Variants in RCBTB2 observed in about 807,000 individuals in gnomAD.
RCBTB2 encodes RCC1 and BTB domain-containing protein 2.
A neutral mutation model predicts 65.4 loss-of-function variants in RCBTB2; 55 were observed. The observed-to-expected ratio is 0.84, with a 90% CI of 0.68 to 1.05. RCBTB2 has a LOEUF of 1.05. Ranked by LOEUF, RCBTB2 falls within the 50% of genes least tolerant of loss-of-function variation. The pLI is 0.00. For missense variants in RCBTB2, 599 were observed against 680.1 expected (o/e 0.88, Z 1.33); for synonymous variants, 220 against 255.2 (o/e 0.86, Z 1.31).
chr13:48,499,761 C>T lies in RCBTB2; in HGVS notation c.1245-1G>A. 1 of 1,613,994 alleles carries T rather than the reference C, an allele frequency of 6.2e-7. No homozygotes were observed. The highest frequency in any genetic ancestry group is 8.5e-7 in the Non-Finnish European group (1 of 1,179,918). ...CAATGACGAACGAAAATGCTCACAT[C>T]TGAAGGAAAAAAGCAGTATGTCAGG... On this transcript the variant is annotated splice_acceptor_variant, in intron 12 of 14. Coordinates refer to ENST00000344532, the MANE Select transcript of RCBTB2 (RefSeq NM_001268.4). LOFTEE classifies it high-confidence loss of function.
intron 12 of RCBTB2, 129 bp from the exon 13 acceptor site, chr13:48,499,889 T>A: frequency 9.4e-7 from 1 of 1,058,342 alleles, no homozygotes; most frequent in Non-Finnish European, 1.4e-6. Context: ...CTTTCTTTGC[T>A]GGCCAGGGTT....
At chr13:48,493,376 ACCTC>A (rs1463433068) in intron 14 of RCBTB2, among the ~76,000 whole-genome samples, 1 of 83,416 alleles carries the variant, frequency 1.2e-5, no homozygotes, top group Non-Finnish European at 2.5e-5. Context: ...CTCTCTCCCT[ACCTC>A]CCTCCCTCCC....
intron 3 of RCBTB2, 82 bp downstream of exon 3, chr13:48,522,226 T>G: frequency 2.1e-6 from 2 of 933,406 alleles, no homozygotes; most frequent in Non-Finnish European, 3.3e-6. Context: ...TTCACATGGG[T>G]CCTTAACTCT....
chr13:48,527,361 T>TATGATATATATATCATATA, intron 1 of RCBTB2, among the ~76,000 whole-genome samples: 1 of 112,446 alleles, frequency 8.9e-6, no homozygotes, highest in Admixed American at 8.5e-5. Flanking sequence ...TGATATATAT[T>TATGATATATATATCATATA]TATATATGAT....
chr13:48,533,309 C>G, upstream of RCBTB2: 1 of 303,152 alleles, frequency 3.3e-6, no homozygotes. Context: ...CCGGGAGTCT[C>G]CCATTGGGGC....
intron 14 of RCBTB2, among the ~76,000 whole-genome samples, chr13:48,490,923 G>A (rs1410618374): frequency 6.6e-6 from 1 of 152,174 alleles, no homozygotes; most frequent in African/African-American, 2.4e-5. Context: ...CTGGGCCAAA[G>A]AATAATGCTG....
chr13:48,515,268 T>G lies in RCBTB2; in HGVS notation c.286A>C (p.Asn96His). The change falls in exon 6 of 15, where the codon AAT becomes CAT. Residue 96 changes from asparagine to histidine, a missense_variant. Transcript: ENST00000344532. ...CTGAGGCAGGCTATTTTTTTGCCAT[T>G]TAAAGAATCCAGTCTCCGAGGTTCA... ...TIEPRRLDSLNGKKIACLSYG... is the reference protein window; with the variant it reads ...TIEPRRLDSLHGKKIACLSYG... The G allele has an allele frequency of 6.2e-7, 1 of 1,614,186 alleles. No individual in the cohort carries two copies. Among genetic ancestry groups the G allele is most frequent in the Non-Finnish European group, 8.5e-7 (1 of 1,180,012 alleles).
Position 48,507,748 on chromosome 13 carries a change from A to G in RCBTB2, c.926+2881T>C, listed in dbSNP as rs9332016. On this transcript the variant is annotated intron_variant, in intron 10 of 14. Transcript: ENST00000344532. ...CCAAGTATTATACCAACTACCTCAG[A>G]AGTCAAAGAATTCTCAGAAATTCAA... Among the ~76,000 whole-genome samples, 325 of 152,316 alleles carry G rather than the reference A, an allele frequency of 2.1e-3. 1 individual carries two copies. Among genetic ancestry groups the G allele is most frequent in the Non-Finnish European group, 3.9e-3 (266 of 68,024 alleles).
chr13:48,524,682 C>G lies in RCBTB2; in HGVS notation c.-143G>C, dbSNP rs1951610213. 1 of 152,166 alleles carries G rather than the reference C, an allele frequency of 6.6e-6. No individual in the cohort carries two copies. Among genetic ancestry groups the G allele is most frequent in the South Asian group, 2.1e-4 (1 of 4,834 alleles). 9.4% of individuals were successfully genotyped at this position (152,166 alleles called of 1,614,324 possible). A position where few individuals can be genotyped will look rare whatever the true frequency, so the allele number is the denominator to read the frequency against. ...ACCTGATTGTTTTAAATTTCTGGAACCCAGTATTCAGTCATCTTTAATCCT... is the reference window on the plus strand; with the variant it reads ...ACCTGATTGTTTTAAATTTCTGGAAGCCAGTATTCAGTCATCTTTAATCCT... On this transcript the variant is annotated 5_prime_UTR_variant, in exon 2 of 15. Coordinates refer to ENST00000344532, the MANE Select transcript of RCBTB2 (RefSeq NM_001268.4).
At chr13:48,518,878 G>A (rs1236056458) in intron 4 of RCBTB2, among the ~76,000 whole-genome samples, 1 of 152,016 alleles carries the variant, frequency 6.6e-6, no homozygotes, top group Non-Finnish European at 1.5e-5. Context: ...TTTCTATGAG[G>A]CCTTCGTTTT....
chr13:48,506,250 G>T (rs1210059606), intron 10 of RCBTB2, among the ~76,000 whole-genome samples: 1 of 152,232 alleles, frequency 6.6e-6, no homozygotes, highest in Non-Finnish European at 1.5e-5. Flanking sequence ...CGGGATCGGA[G>T]GGCAATGAGG....
intron 4 of RCBTB2, among the ~76,000 whole-genome samples, chr13:48,519,973 C>T (rs930017472): frequency 6.6e-6 from 1 of 152,052 alleles, no homozygotes; most frequent in African/African-American, 2.4e-5. Flanking sequence ...GTTCAAAGGT[C>T]CTGCTCAAAG....
At chr13:48,532,524 A>T (rs1483760814) in intron 1 of RCBTB2, 1 of 168,262 alleles carries the variant, frequency 5.9e-6, no homozygotes, top group Admixed American at 6.4e-5. Flanking sequence ...CGAGTGGGTT[A>T]GGAGGGAGAA....
At chr13:48,507,585 CAG>C (rs1950569009) in intron 10 of RCBTB2, among the ~76,000 whole-genome samples, 1 of 152,108 alleles carries the variant, frequency 6.6e-6, no homozygotes, top group Admixed American at 6.5e-5. Context: ...AATGAAAAAG[CAG>C]AGAGTGAGAA....
At chr13:48,496,153 C>T in intron 14 of RCBTB2, 38 bp downstream of exon 14, 1 of 1,419,414 alleles carries the variant, frequency 7.0e-7, no homozygotes, top group Non-Finnish European at 9.3e-7. Context: ...GGTTCCATTT[C>T]TCCAGGAGGC....
intron 14 of RCBTB2, among the ~76,000 whole-genome samples, chr13:48,493,821 A>G (rs540453116): frequency 6.6e-6 from 1 of 152,170 alleles, no homozygotes; most frequent in African/African-American, 2.4e-5. Context: ...CTATTCATTT[A>G]TTGATCACCT....
chr13:48,531,196 C>T (rs1952097573), intron 1 of RCBTB2, among the ~76,000 whole-genome samples: 1 of 152,004 alleles, frequency 6.6e-6, no homozygotes, highest in Admixed American at 6.6e-5. Flanking sequence ...TTGATGCATC[C>T]CAAGCATCAA....
chr13:48,512,298 C>A, intron 7 of RCBTB2, 124 bp from the exon 8 acceptor site: 1 of 755,106 alleles, frequency 1.3e-6, no homozygotes, highest in African/African-American at 1.8e-5. Context: ...TAAATCCTCA[C>A]AACACAGGCA....
Position 48,515,733 on chromosome 13 carries a change from C to G in RCBTB2, c.51G>C (p.Gln17His). The change falls in exon 5 of 15, where the codon CAG becomes CAC. Residue 17 changes from glutamine (Q) to histidine (H), a missense_variant. By Grantham distance (24) the Gln-to-His change is conservative. Transcript: ENST00000344532. ...LFSGDSGKPV[Q>H]ATLSSLKMLD... The stretch of plus-strand genomic sequence containing the variant: ...ACATCTTCAAAGATGACAGAGTAGC[C>G]TGTACTGGCTGAAAAGGAAAAAATA... The G allele has an allele frequency of 2.5e-6, 4 of 1,591,960 alleles. No individual in the cohort carries two copies. Among genetic ancestry groups the G allele is most frequent in the Non-Finnish European group, 3.4e-6 (4 of 1,174,660 alleles).
Sources: allele counts gnomAD v4.1 joint callset (sites outside exome capture counted in the v4.1 genomes callset), GRCh38; gene constraint gnomAD v4.1.1; transcripts MANE v1.5; gene names NCBI Gene and HGNC (gene_info 2026-07-23, HGNC 2026-07-21).